The following NRXN3 variants were observed in gnomAD, a reference collection of about 807,000 sequenced individuals.
NRXN3 encodes the protein neurexin 3.
Under a neutral mutation model 137.6 loss-of-function variants are expected in NRXN3, and 32 were observed. The observed-to-expected ratio is 0.23, with a 90% confidence interval of 0.18 to 0.31. The LOEUF (loss-of-function observed/expected upper bound fraction) is 0.31. Among genes scored for constraint, NRXN3 ranks in the 10% least tolerant of loss-of-function variants. NRXN3 has a pLI of 1.00. For synonymous variants in NRXN3, 798 were observed against 784.5 expected, an observed-to-expected ratio of 1.02 and a Z score of -0.29; for missense variants, 1,574 against 2,062.5, an observed-to-expected ratio of 0.76 and a Z score of 4.59.
intron 15 of NRXN3, among the ~76,000 whole-genome samples, chr14:79,318,958 A>G (rs996435816): frequency 3.3e-5 from 5 of 151,978 alleles, no homozygotes; most frequent in Non-Finnish European, 7.4e-5. Flanking sequence ...ATTTATTTCT[A>G]TGCACTCACT....
At chr14:79,443,340 C>CT (rs1179418940) in intron 15 of NRXN3, among the ~76,000 whole-genome samples, 10 of 152,154 alleles carry the variant, frequency 6.6e-5, no homozygotes, top group East Asian at 3.9e-4. Context: ...CTCATTTTCT[C>CT]TTTTTTTTCC....
rs150875033 is a variant in NRXN3 at position 79,155,352 on chromosome 14, G to A, written c.3262+167211G>A. ...AGATTATATAAGAACCTATGTAATTGACATGATTTAGATACTCATTCAAAG... is the reference window on the plus strand; with the variant it reads ...AGATTATATAAGAACCTATGTAATTAACATGATTTAGATACTCATTCAAAG... On this transcript the variant is annotated intron_variant, in intron 15 of 20. Coordinates refer to ENST00000335750, the MANE Select transcript of NRXN3 (RefSeq NM_001330195.2). Among the ~76,000 whole-genome samples, 246 of 151,852 alleles carry A rather than the reference G, an allele frequency of 1.6e-3. 1 individual carries two copies. Among genetic ancestry groups the A allele is most frequent in the African/African-American group, 5.7e-3 (238 of 41,454 alleles).
intron 8 of NRXN3, among the ~76,000 whole-genome samples, chr14:78,725,977 C>T (rs1392769327): frequency 6.6e-6 from 1 of 152,142 alleles, no homozygotes; most frequent in Non-Finnish European, 1.5e-5. Flanking sequence ...GTAACTTGCT[C>T]AAGGTCACCC....
At chr14:79,551,988 G>A (rs1022872355) in intron 16 of NRXN3, among the ~76,000 whole-genome samples, 5 of 152,174 alleles carry the variant, frequency 3.3e-5, no homozygotes, top group Non-Finnish European at 7.3e-5. Flanking sequence ...CAGTTACTTG[G>A]ACAGAGAGCC....
rs186244195 is a variant in NRXN3 at position 79,866,222 on chromosome 14, C to A, written c.*4258C>A. On this transcript the variant is annotated 3_prime_UTR_variant, in exon 21 of 21. Transcript: ENST00000335750. ...GTGTTTGTCCCAGTTGAACTAATAT[C>A]TTGATTATATAGTTTAAGATCAGTT... is the stretch of plus-strand genomic sequence containing the variant. 1 of 152,188 alleles carries A rather than the reference C, an allele frequency of 6.6e-6. No individual in the cohort carries two copies. The highest frequency in any genetic ancestry group is 1.9e-4 in the East Asian group (1 of 5,178). The allele number at this position is 152,188 out of a possible 1,614,324, so 9.4% of individuals were successfully genotyped here. A position where few individuals can be genotyped will look rare whatever the true frequency, so the allele number is the denominator to read the frequency against.
intron 10 of NRXN3, among the ~76,000 whole-genome samples, chr14:78,936,170 A>G (rs1019302424): frequency 1.3e-5 from 2 of 152,072 alleles, no homozygotes; most frequent in East Asian, 1.9e-4. Context: ...CTCCTCCCCA[A>G]TGTACACAAA....
intron 15 of NRXN3, among the ~76,000 whole-genome samples, chr14:79,124,771 G>C (rs771572060): frequency 2.0e-5 from 3 of 152,194 alleles, no homozygotes; most frequent in Admixed American, 1.3e-4. Context: ...GGTAGGCTAA[G>C]ACTGCAGGGT....
intron 15 of NRXN3, among the ~76,000 whole-genome samples, chr14:79,162,931 C>T (rs935250760): frequency 1.3e-4 from 19 of 151,866 alleles, no homozygotes; most frequent in Non-Finnish European, 2.5e-4. Flanking sequence ...CTTCTATCCT[C>T]CCATTCTTTT....
chr14:79,301,128 A>G (rs2085067842), intron 15 of NRXN3, among the ~76,000 whole-genome samples: 1 of 151,990 alleles, frequency 6.6e-6, no homozygotes, highest in Non-Finnish European at 1.5e-5. Context: ...TTAATATGCT[A>G]TATAGTTTTG....
intron 4 of NRXN3, among the ~76,000 whole-genome samples, chr14:78,348,767 A>T (rs992246069): frequency 1.3e-5 from 2 of 152,176 alleles, no homozygotes; most frequent in Non-Finnish European, 2.9e-5. Context: ...CTGTGTTTTC[A>T]TGAGCTCTGT....
intron 4 of NRXN3, among the ~76,000 whole-genome samples, chr14:78,631,216 C>A (rs931476571): frequency 2.0e-5 from 3 of 152,184 alleles, no homozygotes; most frequent in African/African-American, 4.8e-5. Context: ...CAGATACCTA[C>A]ATGGAGATTT....
At chr14:78,283,073 G>A (rs994997459) in intron 3 of NRXN3, 3 of 152,210 alleles carry the variant, frequency 2.0e-5, no homozygotes, top group Admixed American at 1.3e-4. Context: ...TTCACCTTGC[G>A]AAAGCCCTCG....
chr14:78,284,198 C>T (rs1451138145), intron 3 of NRXN3, among the ~76,000 whole-genome samples: 1 of 152,192 alleles, frequency 6.6e-6, no homozygotes, highest in Admixed American at 6.5e-5. Flanking sequence ...AAAGCCACCC[C>T]TCTGCTCGCT....
chr14:79,770,598 T>G (rs1370244408), intron 19 of NRXN3, among the ~76,000 whole-genome samples: 3 of 150,008 alleles, frequency 2.0e-5, no homozygotes, highest in Non-Finnish European at 4.4e-5. Context: ...CACAACATAC[T>G]AGAATCTCTG....
chr14:78,527,219 A>G (rs774398622), intron 4 of NRXN3, among the ~76,000 whole-genome samples: 22 of 152,212 alleles, frequency 1.4e-4, no homozygotes, highest in Admixed American at 2.6e-4. Flanking sequence ...AAGGAGGTTT[A>G]ATTGGCTCAT....
intron 4 of NRXN3, among the ~76,000 whole-genome samples, chr14:78,640,059 G>A (rs538380231): frequency 2.0e-5 from 3 of 152,154 alleles, no homozygotes; most frequent in East Asian, 3.9e-4. Context: ...TTTGCCTTTG[G>A]TCTTTGGCTT....
In NRXN3 at chr14:79,151,670, A is replaced by G. The variant is rs191252435; in HGVS notation, c.3262+163529A>G. ...GCCTCAAGGAAGTCAGCCTCTGAGA[A>G]TCTGAGATTTCCAGACTCTGATAAT... On this transcript the variant is annotated intron_variant, in intron 15 of 20. Coordinates refer to ENST00000335750, the MANE Select transcript of NRXN3 (RefSeq NM_001330195.2). Among the ~76,000 whole-genome samples the G allele has an allele frequency of 2.0e-5, 3 of 152,112 alleles. No homozygotes were observed. The East Asian group carries it at 5.9e-4, about 30-fold the overall frequency.
rs914872413 is a variant in NRXN3 at position 78,187,638 on chromosome 14, G to A, written c.-704+16964G>A. On this transcript the variant is annotated intron_variant, in intron 1 of 20. Coordinates refer to ENST00000335750, the MANE Select transcript of NRXN3 (RefSeq NM_001330195.2). The stretch of plus-strand genomic sequence containing the variant: ...CAAATTCTGCTAATAGGAAGTCTTC[G>A]CTTCTGGTGATGGATGGAGCAGGCA... Among the ~76,000 whole-genome samples, 7 of 152,096 alleles carry A rather than the reference G, an allele frequency of 4.6e-5. No individual in the cohort carries two copies. The East Asian group carries it at 7.7e-4, about 17-fold the overall frequency.
chr14:79,747,998 T>C (rs1270464128), intron 19 of NRXN3, among the ~76,000 whole-genome samples: 2 of 151,512 alleles, frequency 1.3e-5, no homozygotes, highest in African/African-American at 4.9e-5. Context: ...AAGTGGGAGC[T>C]GAACACGTAG....
Sources: gnomAD v4.1 joint callset for allele counts (sites outside exome capture counted in the v4.1 genomes callset) on GRCh38, gnomAD v4.1.1 for gene constraint, MANE v1.5 for transcripts, NCBI Gene and HGNC (gene_info 2026-07-23, HGNC 2026-07-21) for gene names.